TRIT1: variants seen among roughly 807,000 people sequenced by gnomAD.
TRIT1 encodes the protein tRNA isopentenyltransferase 1.
A neutral mutation model predicts 51.2 loss-of-function variants in TRIT1; 43 were observed. That is an observed-to-expected ratio of 0.84 (90% CI 0.66 to 1.08). The LOEUF is 1.08. TRIT1 is among the 50% of genes least tolerant of loss of function. TRIT1 has a pLI of 0.00. For synonymous variants in TRIT1, 184 were observed against 203.9 expected (o/e 0.90, Z 0.83); for missense variants, 528 against 578.4 (o/e 0.91, Z 0.89).
At position 39,840,823 on chromosome 1, in the gene TRIT1, A is replaced by AG. The variant is rs1356636811; in HGVS notation, c.*920_*921insC. ...TTTAACATTGCTGGCAGCTCAGGTC[A>AG]CTCCAGAAAGAGGGCTTCAATTGGA... On this transcript the variant is annotated 3_prime_UTR_variant, in exon 11 of 11. Coordinates refer to ENST00000316891, the MANE Select transcript of TRIT1 (RefSeq NM_017646.6). Among the ~76,000 whole-genome samples, 1 of 152,154 alleles carries AG rather than the reference A, an allele frequency of 6.6e-6. No individual in the cohort carries two copies. Among genetic ancestry groups the AG allele is most frequent in the Non-Finnish European group, 1.5e-5 (1 of 68,028 alleles).
At chr1:39,860,940 TGGTGGCGCAC>T (rs1350422818) in intron 1 of TRIT1, among the ~76,000 whole-genome samples, 1 of 152,072 alleles carries the variant, frequency 6.6e-6, no homozygotes, top group Non-Finnish European at 1.5e-5. Flanking sequence ...CAGCCAGGCG[TGGTGGCGCAC>T]GCCTGTAATC....
chr1:39,842,030 A>C (rs757546566), intron 10 of TRIT1, 117 bp from the exon 11 acceptor site: 23 of 1,139,870 alleles, frequency 2.0e-5, no homozygotes, highest in Non-Finnish European at 2.7e-5. Flanking sequence ...ATAAACAGCA[A>C]GATCAACACA....
intron 1 of TRIT1, among the ~76,000 whole-genome samples, chr1:39,858,201 C>T (rs1482412574): frequency 2.0e-5 from 3 of 152,182 alleles, no homozygotes; most frequent in African/African-American, 7.2e-5. Flanking sequence ...ACAGGGAGCA[C>T]TGAATGAACA....
rs982786077 is a variant in TRIT1 at position 39,841,096 on chromosome 1, T to G, written c.*648A>C. On this transcript the variant is annotated 3_prime_UTR_variant, in exon 11 of 11. Transcript: ENST00000316891. ...TTTAAACTTCAATAAAAATATAGATTTGTAACTCAATAGAAAGACAGCAGT... is the reference window on the plus strand; with the variant it reads ...TTTAAACTTCAATAAAAATATAGATGTGTAACTCAATAGAAAGACAGCAGT... The G allele has an allele frequency of 3.9e-5, 6 of 152,222 alleles. No individual in the cohort carries two copies. The highest frequency in any genetic ancestry group is 7.3e-5 in the Non-Finnish European group (5 of 68,036). The allele number at this position is 152,222 out of a possible 1,614,324, so 9.4% of individuals were successfully genotyped here.
Position 39,847,248 on chromosome 1 carries a change from G to C in TRIT1, c.978C>G (p.Asn326Lys), listed in dbSNP as rs1220220039. 1.2e-6 allele frequency: 2 copies of C among 1,613,942 alleles called. No individual in the cohort carries two copies. The highest frequency in any genetic ancestry group is 1.3e-5 in the African/African-American group (1 of 74,868). Residue 326 changes from asparagine to lysine, a missense_variant, in exon 8 of 11, where the codon AAC (asparagine) becomes AAG (lysine). Coordinates refer to ENST00000316891, the MANE Select transcript of TRIT1 (RefSeq NM_017646.6). ...QVTKRYARKQ[N>K]RWVKNRFLSR... ...TCAAAAAACGGTTTTTAACCCATCG[G>C]TTTTGTTTCCGGGCATATCTCTTAG...
intron 1 of TRIT1, among the ~76,000 whole-genome samples, chr1:39,859,448 G>C (rs1266560574): frequency 2.6e-5 from 4 of 151,346 alleles, no homozygotes; most frequent in African/African-American, 9.7e-5. Flanking sequence ...AGCCAGGTGT[G>C]GTGACACACA....
At position 39,871,920 on chromosome 1, in the gene TRIT1, T is replaced by C. The variant is rs78385773; in HGVS notation, c.174+11398A>G. On this transcript the variant is annotated intron_variant, in intron 1 of 10. Coordinates refer to ENST00000316891, the MANE Select transcript of TRIT1 (RefSeq NM_017646.6). ...GCAAAAAATTTTTAAAAATGTTTTT[T>C]TGGGACAGAGTCTTGCTTTGTTGTC... Among the ~76,000 whole-genome samples, 449 of 152,266 alleles carry C rather than the reference T, an allele frequency of 2.9e-3. 4 individuals are homozygous for C. The highest frequency in any genetic ancestry group is 0.01 in the African/African-American group (436 of 41,556).
intron 4 of TRIT1, among the ~76,000 whole-genome samples, chr1:39,851,600 A>C (rs1209615122): frequency 6.6e-6 from 1 of 152,012 alleles, no homozygotes; most frequent in Non-Finnish European, 1.5e-5. Flanking sequence ...TAGATATTAC[A>C]ATTTGTGCCC....
intron 1 of TRIT1, among the ~76,000 whole-genome samples, chr1:39,876,836 G>A (rs1260682747): frequency 6.6e-6 from 1 of 151,012 alleles, no homozygotes; most frequent in Non-Finnish European, 1.5e-5. Flanking sequence ...GCTGAGGCAG[G>A]AGAATGGCTA....
intron 1 of TRIT1, among the ~76,000 whole-genome samples, chr1:39,875,648 C>T (rs1236513308): frequency 6.6e-6 from 1 of 152,148 alleles, no homozygotes; most frequent in African/African-American, 2.4e-5. Flanking sequence ...AGTTGCTGGT[C>T]ATTCCTTGAA....
In TRIT1 at chr1:39,838,789, C is replaced by T. The variant is rs1652466812; in HGVS notation, c.*2955G>A. On this transcript the variant is annotated 3_prime_UTR_variant, in exon 11 of 11. Coordinates refer to ENST00000316891, the MANE Select transcript of TRIT1 (RefSeq NM_017646.6). The stretch of plus-strand genomic sequence containing the variant: ...GCGTTGGGATTACAGGCGTGAGCCA[C>T]CACTCCCGGACTGTTATTTTTTAAT... Among the ~76,000 whole-genome samples the T allele has an allele frequency of 6.6e-6, 1 of 152,162 alleles. No individual in the cohort carries two copies. Among genetic ancestry groups the T allele is most frequent in the African/African-American group, 2.4e-5 (1 of 41,422 alleles).
chr1:39,840,399 T>C lies in TRIT1; in HGVS notation c.*1345A>G, dbSNP rs1012576804. ...TAGGAAACAAAACATTTATCAAGAA[T>C]TGCTTTTCAAGGTGCAGCAGAAATG... On this transcript the variant is annotated 3_prime_UTR_variant, in exon 11 of 11. Transcript: ENST00000316891. Among the ~76,000 whole-genome samples, 3 of 152,232 alleles carry C rather than the reference T, an allele frequency of 2.0e-5. No individual in the cohort carries two copies. The highest frequency in any genetic ancestry group is 7.2e-5 in the African/African-American group (3 of 41,462).
intron 1 of TRIT1, among the ~76,000 whole-genome samples, chr1:39,877,030 A>AC (rs1644089455): frequency 6.7e-6 from 1 of 150,126 alleles, no homozygotes; most frequent in African/African-American, 2.4e-5. Context: ...AAAAAAAAAA[A>AC]AAAAAAAAAA....
intron 5 of TRIT1, among the ~76,000 whole-genome samples, chr1:39,848,899 A>T (rs1158476583): frequency 2.0e-5 from 3 of 151,848 alleles, no homozygotes; most frequent in African/African-American, 7.3e-5. Flanking sequence ...AGAGGTCGTA[A>T]TTGTTCAGAT....
At chr1:39,880,667 C>T (rs781167101) in intron 1 of TRIT1, among the ~76,000 whole-genome samples, 4 of 151,874 alleles carry the variant, frequency 2.6e-5, no homozygotes, top group African/African-American at 9.7e-5. Flanking sequence ...AGCATGGTGG[C>T]GGGCGTCTGT....
chr1:39,865,265 T>C (rs558079016), intron 1 of TRIT1, among the ~76,000 whole-genome samples: 4 of 152,326 alleles, frequency 2.6e-5, no homozygotes, highest in Admixed American at 2.6e-4. Context: ...TAGGCCTTCC[T>C]CCATCTACTT....
intron 1 of TRIT1, among the ~76,000 whole-genome samples, chr1:39,878,991 C>G (rs1159202830): frequency 6.6e-6 from 1 of 152,170 alleles, no homozygotes; most frequent in Non-Finnish European, 1.5e-5. Flanking sequence ...AACTCCTGGC[C>G]TGGCGCAGTG....
At position 39,841,552 on chromosome 1, in the gene TRIT1, G is replaced by A; in HGVS notation, c.*192C>T. ...TCCAGACACATCAGCCACACAAGGA[G>A]CTGACAAGACCTGCTGTTTCTATTA... On this transcript the variant is annotated 3_prime_UTR_variant, in exon 11 of 11. Transcript: ENST00000316891. The A allele has an allele frequency of 3.9e-6, 2 of 509,020 alleles. No homozygotes were observed. Among genetic ancestry groups the A allele is most frequent in the Non-Finnish European group, 6.7e-6 (2 of 296,566 alleles). The allele number at this position is 509,020 out of a possible 1,614,324, so 31.5% of individuals were successfully genotyped here.
At chr1:39,864,585 G>A (rs1036232732) in intron 1 of TRIT1, among the ~76,000 whole-genome samples, 9 of 133,162 alleles carry the variant, frequency 6.8e-5, no homozygotes, top group East Asian at 4.2e-4. Context: ...CTGACAGAGC[G>A]AGACTCTGTC....
Sources: gnomAD v4.1 joint callset for allele counts (sites outside exome capture counted in the v4.1 genomes callset) on GRCh38, gnomAD v4.1.1 for gene constraint, MANE v1.5 for transcripts, NCBI Gene and HGNC (gene_info 2026-07-23, HGNC 2026-07-21) for gene names.